THSD4: variants seen among roughly 807,000 people sequenced by gnomAD.
THSD4 encodes the protein thrombospondin type 1 domain containing 4, also known as thrombospondin type-1 domain-containing protein 4.
Under a neutral mutation model 119.0 loss-of-function variants are expected in THSD4, and 69 were observed. The observed-to-expected ratio is 0.58, with a 90% confidence interval of 0.48 to 0.71. The LOEUF (loss-of-function observed/expected upper bound fraction) is 0.71. Among genes scored for constraint, THSD4 ranks in the 30% least tolerant of loss-of-function variants. The pLI is 0.00. For missense variants in THSD4, 1,393 were observed against 1,391.1 expected (o/e 1.00, Z -0.02); for synonymous variants, 524 against 540.4 (o/e 0.97, Z 0.42).
At chr15:71,746,383 T>C (rs1369320593) in intron 12 of THSD4, among the ~76,000 whole-genome samples, 1 of 151,572 alleles carries the variant, frequency 6.6e-6, no homozygotes, top group Non-Finnish European at 1.5e-5. Flanking sequence ...TTAGGCAGAC[T>C]TTTTCTTTTT....
At chr15:71,254,956 G>A (rs1374306629) in intron 5 of THSD4, among the ~76,000 whole-genome samples, 1 of 152,174 alleles carries the variant, frequency 6.6e-6, no homozygotes, top group Non-Finnish European at 1.5e-5. Flanking sequence ...GCCACAGCAG[G>A]GTAATGACCA....
At chr15:71,710,562 T>A (rs2052490204) in intron 8 of THSD4, among the ~76,000 whole-genome samples, 1 of 152,198 alleles carries the variant, frequency 6.6e-6, no homozygotes, top group South Asian at 2.1e-4. Flanking sequence ...TGGCTTATTA[T>A]CTTGGTGCCA....
intron 4 of THSD4, among the ~76,000 whole-genome samples, chr15:71,219,948 T>C (rs2043961769): frequency 6.6e-6 from 1 of 152,202 alleles, no homozygotes; most frequent in Non-Finnish European, 1.5e-5. Flanking sequence ...GTGTGGAGGT[T>C]GGGCTGTCTG....
chr15:71,667,224 G>A lies in THSD4; in HGVS notation c.1357+6490G>A, dbSNP rs2051434240. 2.6e-5 allele frequency among the ~76,000 whole-genome samples: 4 copies of A among 152,182 alleles called. No homozygotes were observed. The South Asian group carries it at 8.3e-4, about 32-fold the overall frequency. On this transcript the variant is annotated intron_variant, in intron 8 of 17. Transcript: ENST00000261862. ...ATTGTAAGCTATGAATTCTCCTTTTGTATGTGAATTATTCTGAACTCTGCC... is the reference window on the plus strand; with the variant it reads ...ATTGTAAGCTATGAATTCTCCTTTTATATGTGAATTATTCTGAACTCTGCC...
chr15:71,515,157 T>A (rs1279588930), intron 7 of THSD4, among the ~76,000 whole-genome samples: 1 of 152,228 alleles, frequency 6.6e-6, no homozygotes, highest in Non-Finnish European at 1.5e-5. Flanking sequence ...CAGCAGTGAA[T>A]GAATGTGTTA....
At chr15:71,248,171 C>T (rs2044223425) in intron 5 of THSD4, among the ~76,000 whole-genome samples, 1 of 152,042 alleles carries the variant, frequency 6.6e-6, no homozygotes, top group South Asian at 2.1e-4. Context: ...TCCCAGTTAC[C>T]CAGGAGGCTT....
intron 10 of THSD4, among the ~76,000 whole-genome samples, chr15:71,734,143 T>G (rs1024814936): frequency 1.3e-4 from 20 of 152,218 alleles, no homozygotes; most frequent in African/African-American, 4.6e-4. Context: ...ACAGTAACCC[T>G]AGAATTTGCC....
In THSD4 at chr15:71,115,517, G is replaced by T. The variant is rs971635890; in HGVS notation, c.-261G>T. 23 of 151,744 alleles carry T rather than the reference G, an allele frequency of 1.5e-4. No homozygotes were observed. The highest frequency in any genetic ancestry group is 5.3e-4 in the African/African-American group (22 of 41,482). 9.4% of individuals were successfully genotyped at this position (151,744 alleles called of 1,614,324 possible). A position where few individuals can be genotyped will look rare whatever the true frequency, so the allele number is the denominator to read the frequency against. On this transcript the variant is annotated 5_prime_UTR_variant, in exon 1 of 18. Coordinates refer to ENST00000261862, the MANE Select transcript of THSD4 (RefSeq NM_024817.3). The surrounding 1 kb of genome is among the most constrained non-coding windows in gnomAD (Gnocchi z 4.4). ...TCCGCGCGCGCCTGAACCGCTGGCC[G>T]CCCGCGCAGCCCGACGCGGAATCGG...
At chr15:71,298,557 G>C in intron 6 of THSD4, among the ~76,000 whole-genome samples, 1 of 148,342 alleles carries the variant, frequency 6.7e-6, no homozygotes, top group Non-Finnish European at 1.5e-5. Flanking sequence ...CCCCCCCTTA[G>C]ATATTTCCCT....
intron 7 of THSD4, among the ~76,000 whole-genome samples, chr15:71,498,008 TA>T (rs1278586323): frequency 1.3e-5 from 2 of 152,210 alleles, no homozygotes; most frequent in African/African-American, 4.8e-5. Flanking sequence ...GGGTGGGTTA[TA>T]AGTGATTCTC....
chr15:71,546,863 A>G (rs150938458), intron 7 of THSD4, among the ~76,000 whole-genome samples: 8 of 152,338 alleles, frequency 5.3e-5, no homozygotes, highest in Non-Finnish European at 1.2e-4. Flanking sequence ...ACCTTTGTAT[A>G]AGTGAGAAAA....
intron 17 of THSD4, among the ~76,000 whole-genome samples, chr15:71,774,209 G>C (rs570514545): frequency 2.0e-5 from 3 of 151,842 alleles, no homozygotes; most frequent in Non-Finnish European, 2.9e-5. Flanking sequence ...TACTTGGAAG[G>C]CTGAGGTGGG....
chr15:71,613,733 C>A (rs1368931267), intron 7 of THSD4, among the ~76,000 whole-genome samples: 3 of 152,176 alleles, frequency 2.0e-5, no homozygotes, highest in East Asian at 3.9e-4. Context: ...CTCATCTAAA[C>A]CATAGGTTCC....
intron 8 of THSD4, among the ~76,000 whole-genome samples, chr15:71,661,403 T>TA (rs1163898600): frequency 4.1e-4 from 60 of 146,654 alleles, no homozygotes; most frequent in East Asian, 4.1e-3. Flanking sequence ...ATTTATTTAT[T>TA]TTTTTTTTTT....
intron 7 of THSD4, among the ~76,000 whole-genome samples, chr15:71,468,553 A>G (rs1448640942): frequency 6.6e-6 from 1 of 152,226 alleles, no homozygotes; most frequent in African/African-American, 2.4e-5. Flanking sequence ...CCTATTTCCT[A>G]TTAACATTAG....
intron 7 of THSD4, among the ~76,000 whole-genome samples, chr15:71,620,163 G>C (rs1031548167): frequency 3.3e-5 from 5 of 152,194 alleles, no homozygotes; most frequent in African/African-American, 1.2e-4. Flanking sequence ...TTTAGTACCT[G>C]TGAGGCTTTG....
chr15:71,290,563 G>T (rs2044776523), intron 6 of THSD4, among the ~76,000 whole-genome samples: 1 of 152,138 alleles, frequency 6.6e-6, no homozygotes, highest in Non-Finnish European at 1.5e-5. Context: ...GCTGCCAAGA[G>T]GAAACTAAAT....
At chr15:71,522,913 G>C (rs1449870861) in intron 7 of THSD4, among the ~76,000 whole-genome samples, 3 of 152,202 alleles carry the variant, frequency 2.0e-5, no homozygotes, top group Admixed American at 2.0e-4. Flanking sequence ...TGGGACTTCA[G>C]TCTGAACCAC....
At chr15:71,775,898 C>T (rs2053904273) in intron 17 of THSD4, among the ~76,000 whole-genome samples, 2 of 152,132 alleles carry the variant, frequency 1.3e-5, no homozygotes, top group African/African-American at 4.8e-5. Context: ...GCCAGAAATA[C>T]ACATATAAAG....
Sources: allele counts gnomAD v4.1 joint callset (sites outside exome capture counted in the v4.1 genomes callset), GRCh38; gene constraint gnomAD v4.1.1; non-coding constraint Gnocchi (gnomAD v3.1); transcripts MANE v1.5; gene names NCBI Gene and HGNC (gene_info 2026-07-23, HGNC 2026-07-21).